The following SMARCA5 variants were observed in gnomAD, a reference collection of about 807,000 sequenced individuals.
SMARCA5 encodes SWI/SNF-related matrix-associated actin-dependent regulator of chromatin subfamily A member 5.
SMARCA5 carries 18 observed loss-of-function variants against 140.4 expected under a neutral mutation model. The observed-to-expected ratio is 0.13, with a 90% CI of 0.09 to 0.19. The LOEUF is 0.19. Ranked by LOEUF, SMARCA5 falls within the 10% of genes least tolerant of loss-of-function variation. SMARCA5 has a pLI of 1.00. For synonymous variants in SMARCA5, 449 were observed against 419.6 expected, an observed-to-expected ratio of 1.07 and a Z score of -0.86; for missense variants, 606 against 1,276.8, an observed-to-expected ratio of 0.47 and a Z score of 8.01.
chr4:143,543,756 A>C (rs1737472833), intron 15 of SMARCA5, 97 bp from the exon 16 acceptor site: 1 of 1,514,404 alleles, frequency 6.6e-7, no homozygotes, highest in Non-Finnish European at 9.0e-7. Context: ...ATTTCCTTAA[A>C]GAGAAGCTTT....
chr4:143,525,776 T>G (rs1017225026), intron 5 of SMARCA5, among the ~76,000 whole-genome samples: 1 of 152,232 alleles, frequency 6.6e-6, no homozygotes, highest in Non-Finnish European at 1.5e-5. Flanking sequence ...AGAAACATGT[T>G]TTTGGATGAC....
chr4:143,540,253 TAA>T (rs1171617650), intron 13 of SMARCA5, 108 bp from the exon 14 acceptor site: 1 of 823,010 alleles, frequency 1.2e-6, no homozygotes, highest in African/African-American at 1.8e-5. Flanking sequence ...TACAAATTTT[TAA>T]AAGTTTTATA....
intron 17 of SMARCA5, 127 bp from the exon 18 acceptor site, chr4:143,545,343 G>A (rs1475496367): frequency 1.5e-6 from 1 of 669,030 alleles, no homozygotes; most frequent in Admixed American, 2.9e-5. Context: ...TATAAATTCA[G>A]TTTTATTGAA....
chr4:143,518,191 A>T (rs1161435188), intron 2 of SMARCA5, among the ~76,000 whole-genome samples: 4 of 152,150 alleles, frequency 2.6e-5, no homozygotes, highest in Non-Finnish European at 5.9e-5. Context: ...TATTGGAGTC[A>T]TTCAAGTCCC....
intron 21 of SMARCA5, 36 bp downstream of exon 21, chr4:143,547,539 A>ACT: frequency 9.6e-7 from 1 of 1,041,954 alleles, no homozygotes; most frequent in Non-Finnish European, 1.5e-6. Flanking sequence ...TAGTTAATAA[A>ACT]ATAACTCCTA....
intron 3 of SMARCA5, among the ~76,000 whole-genome samples, chr4:143,521,893 C>CAAAAAAAAA (rs58679947): frequency 4.0e-4 from 18 of 44,726 alleles, no homozygotes; most frequent in Middle Eastern, 0.011. Context: ...CCCATCTCTA[C>CAAAAAAAAA]AAAAAAAAAA....
chr4:143,530,619 A>G (rs1030855624), intron 9 of SMARCA5, 93 bp downstream of exon 9: 2 of 807,506 alleles, frequency 2.5e-6, no homozygotes, highest in Non-Finnish European at 4.0e-6. Flanking sequence ...AATAAAAAAC[A>G]CAATGGCTTA....
chr4:143,539,182 C>T (rs186423029), intron 13 of SMARCA5, among the ~76,000 whole-genome samples: 66 of 152,198 alleles, frequency 4.3e-4, no homozygotes, highest in African/African-American at 1.5e-3. Context: ...AAGGGGGAAA[C>T]GATAGAGTTG....
At chr4:143,516,493 A>C (rs1736839658) in intron 1 of SMARCA5, among the ~76,000 whole-genome samples, 1 of 152,126 alleles carries the variant, frequency 6.6e-6, no homozygotes, top group Non-Finnish European at 1.5e-5. Flanking sequence ...TGTAAACTGG[A>C]CTGGGTAGGT....
rs536155616 is a variant in SMARCA5 at position 143,555,174 on chromosome 4, G to A, written c.*1990G>A. On this transcript the variant is annotated 3_prime_UTR_variant, in exon 24 of 24. Coordinates refer to ENST00000283131, the MANE Select transcript of SMARCA5 (RefSeq NM_003601.4). Reference sequence around the variant, plus strand: ...GAACTGCCTTAGCCACCTTGGTATCGTGGTTTGGCAAAGTATTGGCCTCTA... The same window carrying A: ...GAACTGCCTTAGCCACCTTGGTATCATGGTTTGGCAAAGTATTGGCCTCTA... The A allele has an allele frequency of 5.8e-5, 42 of 722,456 alleles. No individual in the cohort carries two copies. The highest frequency in any genetic ancestry group is 9.7e-5 in the Non-Finnish European group (38 of 393,104). The allele number at this position is 722,456 out of a possible 1,614,324, so 44.8% of individuals were successfully genotyped here.
At chr4:143,527,371 T>A (rs1410215609) in intron 6 of SMARCA5, among the ~76,000 whole-genome samples, 3 of 152,198 alleles carry the variant, frequency 2.0e-5, no homozygotes, top group East Asian at 3.9e-4. Flanking sequence ...TCAATTTTTG[T>A]TTGTTTGTTT....
intron 1 of SMARCA5, among the ~76,000 whole-genome samples, chr4:143,515,324 G>A (rs190947969): frequency 9.8e-5 from 15 of 152,286 alleles, no homozygotes; most frequent in Admixed American, 2.0e-4. Context: ...ACTCCTGATA[G>A]TTCCTGTAGT....
chr4:143,548,137 A>G lies in SMARCA5; in HGVS notation c.2982A>G (p.Ala994=), dbSNP rs1387025003. ...RFDWFLKSRT[A]MELQRRCNTL... ...ACTGGTTTCTTAAGTCCAGAACTGC[A>G]ATGGTGAGTGCTCAGGGCTTTTTTG... Residue 994 remains alanine, a synonymous_variant, in exon 22 of 24, where the codon GCA becomes GCG. Transcript: ENST00000283131. 2.5e-6 allele frequency: 4 copies of G among 1,594,614 alleles called. No individual in the cohort carries two copies. The South Asian group carries it at 4.5e-5, about 18-fold the overall frequency.
At chr4:143,541,920 C>T (rs1340835652) in intron 14 of SMARCA5, among the ~76,000 whole-genome samples, 7 of 151,736 alleles carry the variant, frequency 4.6e-5, no homozygotes, top group African/African-American at 7.3e-5. Context: ...TGCAATGGCA[C>T]GATCTCGGCT....
At chr4:143,527,268 G>A (rs996870527) in intron 6 of SMARCA5, among the ~76,000 whole-genome samples, 8 of 152,146 alleles carry the variant, frequency 5.3e-5, no homozygotes, top group African/African-American at 1.9e-4. Flanking sequence ...CTGAATAGCT[G>A]TGTACTTGTT....
In SMARCA5 at chr4:143,514,073, G is replaced by C; in HGVS notation, c.149G>C (p.Ser50Thr). 1 of 1,559,166 alleles carries C rather than the reference G, an allele frequency of 6.4e-7. No homozygotes were observed. Residue 50 changes from serine (S) to threonine (T), a missense_variant, in exon 1 of 24, where the codon AGC (serine) becomes ACC (threonine). Ser to Thr is a moderately conservative substitution (Grantham distance 58, BLOSUM62 1). Around this residue, in one of 10 missense-constraint regions of SMARCA5, gnomAD observed 164 missense variants for 128.4 expected, o/e 1.28. Coordinates refer to ENST00000283131, the MANE Select transcript of SMARCA5 (RefSeq NM_003601.4). The stretch of plus-strand genomic sequence containing the variant: ...GCGCAGGCGGTTGCGTCTGCGGCCA[G>C]CGCTGGTCCCGCAGACGCCGAGATG... ...VAAQAVASAA[S>T]AGPADAEMEE...
rs937324014 is a variant in SMARCA5 at position 143,521,284 on chromosome 4, CT to C, written c.253-141del. The C allele has an allele frequency of 7.0e-5, 40 of 575,394 alleles. No homozygotes were observed. In the African/African-American group the frequency reaches 7.4e-4, roughly 11 times the overall value. The allele number at this position is 575,394 out of a possible 1,614,324, so 35.6% of individuals were successfully genotyped here. A position where few individuals can be genotyped will look rare whatever the true frequency, so the allele number is the denominator to read the frequency against. On this transcript the variant is annotated intron_variant, in intron 2 of 23. Coordinates refer to ENST00000283131, the MANE Select transcript of SMARCA5 (RefSeq NM_003601.4). The stretch of plus-strand genomic sequence containing the variant: ...TTGGCTTCTTTCACTTTGCATAGTG[CT>C]TTTGAAACTCATCCATGTTGCATTT...
Position 143,526,543 on chromosome 4 carries a change from A to G in SMARCA5, c.801+83A>G, listed in dbSNP as rs1737074352. 5 of 856,196 alleles carry G rather than the reference A, an allele frequency of 5.8e-6. No individual in the cohort carries two copies. In the Admixed American group the frequency reaches 1.1e-4, roughly 19 times the overall value. The allele number at this position is 856,196 out of a possible 1,614,324, so 53.0% of individuals were successfully genotyped here. On this transcript the variant is annotated intron_variant, in intron 6 of 23. Coordinates refer to ENST00000283131, the MANE Select transcript of SMARCA5 (RefSeq NM_003601.4). ...GGGTATGGGTATAGCTGGAAGAAGG[A>G]TAAATGAGACGGGATCTTCGCAAAT...
intron 2 of SMARCA5, among the ~76,000 whole-genome samples, chr4:143,521,099 A>G (rs12500603): frequency 0.25 from 37,832 of 152,180 alleles, 5,161 homozygotes; most frequent in East Asian, 0.6. Flanking sequence ...TTTAAATACC[A>G]TCACAATCAT....
Sources: allele counts gnomAD v4.1 joint callset (sites outside exome capture counted in the v4.1 genomes callset), GRCh38; gene constraint gnomAD v4.1.1; regional missense constraint gnomAD v4.1.1; transcripts MANE v1.5; gene names NCBI Gene and HGNC (gene_info 2026-07-23, HGNC 2026-07-21).